Variants in RILPL1 observed in about 807,000 individuals in gnomAD.
RILPL1 encodes the protein Rab interacting lysosomal protein like 1.
In RILPL1, 33 loss-of-function variants were observed where a neutral mutation model predicts 50.3. The observed-to-expected ratio is 0.66, with a 90% CI of 0.50 to 0.88. RILPL1 has a LOEUF of 0.88. Among genes scored for constraint, RILPL1 ranks in the 40% least tolerant of loss-of-function variants. RILPL1 has a pLI of 0.00. For synonymous variants in RILPL1, 205 were observed against 228.6 expected (o/e 0.90, Z 0.93); for missense variants, 418 against 542.5 (o/e 0.77, Z 2.28).
intron 2 of RILPL1, among the ~76,000 whole-genome samples, chr12:123,510,137 C>G (rs915334054): frequency 1.3e-5 from 2 of 152,252 alleles, no homozygotes; most frequent in Non-Finnish European, 2.9e-5. Flanking sequence ...AGCCGGGCCC[C>G]CCGCTTGCAG....
intron 2 of RILPL1, among the ~76,000 whole-genome samples, chr12:123,511,899 CTGTA>C (rs1884286940): frequency 2.1e-5 from 2 of 93,262 alleles, no homozygotes; most frequent in African/African-American, 8.6e-5. Flanking sequence ...GGTGTGAGAT[CTGTA>C]TGTGTGAGGT....
intron 2 of RILPL1, among the ~76,000 whole-genome samples, chr12:123,507,616 G>A (rs530334069): frequency 3.6e-4 from 54 of 150,374 alleles, no homozygotes; most frequent in African/African-American, 1.3e-3. Flanking sequence ...GGAGAAATTA[G>A]AACCTTTATA....
At chr12:123,500,798 G>A (rs1883331733) in intron 2 of RILPL1, among the ~76,000 whole-genome samples, 1 of 152,048 alleles carries the variant, frequency 6.6e-6, no homozygotes. Context: ...GATGAACAGA[G>A]AAAGGTTCTC....
intron 4 of RILPL1, among the ~76,000 whole-genome samples, chr12:123,492,013 A>C (rs1482710748): frequency 6.6e-6 from 1 of 151,882 alleles, no homozygotes; most frequent in Non-Finnish European, 1.5e-5. Context: ...ACTCAAAATA[A>C]ATAAATAAAT....
At chr12:123,510,313 G>T (rs1884009408) in intron 2 of RILPL1, among the ~76,000 whole-genome samples, 1 of 152,194 alleles carries the variant, frequency 6.6e-6, no homozygotes, top group Non-Finnish European at 1.5e-5. Flanking sequence ...TGGGACCCGG[G>T]GACACGGCTA....
intron 1 of RILPL1, among the ~76,000 whole-genome samples, chr12:123,525,700 C>CAAAAAAAAAAAAAA (rs1207503097): frequency 2.2e-5 from 1 of 44,994 alleles, no homozygotes; most frequent in African/African-American, 6.9e-5. Context: ...GACACTGTCT[C>CAAAAAAAAAAAAAA]AAAAAAAAAA....
intron 2 of RILPL1, among the ~76,000 whole-genome samples, chr12:123,507,852 A>G (rs1227991287): frequency 6.7e-6 from 1 of 150,354 alleles, no homozygotes. Context: ...GAGGCAGGAT[A>G]ATCACTTGAA....
Position 123,484,238 on chromosome 12 carries a change from G to A in RILPL1, c.1009C>T (p.Pro337Ser), listed in dbSNP as rs1283135340. 1.9e-6 allele frequency: 3 copies of A among 1,610,004 alleles called. No individual in the cohort carries two copies. Among genetic ancestry groups the A allele is most frequent in the South Asian group, 1.1e-5 (1 of 91,012 alleles). Residue 337 changes from proline (P) to serine (S), a missense_variant, in exon 6 of 7, where the codon CCC (proline) becomes TCC (serine). Physicochemically the swap from Pro to Ser is moderately conservative, Grantham distance 74. Coordinates refer to ENST00000376874, the MANE Select transcript of RILPL1 (RefSeq NM_178314.5). ...GTCCTCGGGTGGGCGATGGGTGGGG[G>A]TTGGGGTATTCGGTTTTCCTCTTCC... ...EMEEENRIPQ[P>S]PPIAHPRTSP...
chr12:123,518,500 CAA>C (rs60479214), intron 2 of RILPL1: 5,962 of 82,384 alleles, frequency 0.072, 120 homozygotes, highest in African/African-American at 0.1. Flanking sequence ...GAGACCTGTC[CAA>C]AAAAAAAAAA....
At chr12:123,475,696 G>A (rs1482603805) in intron 6 of RILPL1, 12 of 1,593,982 alleles carry the variant, frequency 7.5e-6, no homozygotes, top group East Asian at 6.7e-5. Flanking sequence ...GCTGCAGTGT[G>A]GGGTCATCTA....
rs764373990 is a variant in RILPL1 at position 123,498,689 on chromosome 12, C to A, written c.656G>T (p.Gly219Val). The change falls in exon 4 of 7, where the codon GGG (glycine) becomes GTG (valine). Residue 219 changes from glycine (G) to valine (V), a missense_variant. Coordinates refer to ENST00000376874, the MANE Select transcript of RILPL1 (RefSeq NM_178314.5). The surrounding 1 kb of genome is among the most constrained non-coding windows in gnomAD (Gnocchi z 4.3). The stretch of plus-strand genomic sequence containing the variant: ...CACCTTCTGTTCGATCAGGGCTTTC[C>A]CCTGGGCCTCCACCACCGTGACCCG... ...RHRVTVVEAQ[G>V]KALIEQKVEL... 3 of 1,613,702 alleles carry A rather than the reference C, an allele frequency of 1.9e-6. No homozygotes were observed. The highest frequency in any genetic ancestry group is 2.5e-6 in the Non-Finnish European group (3 of 1,179,874).
chr12:123,526,027 C>T (rs1188575011), intron 1 of RILPL1, among the ~76,000 whole-genome samples: 1 of 152,258 alleles, frequency 6.6e-6, no homozygotes. Flanking sequence ...GTTTAAGGGC[C>T]AGGCGCAGTG....
At chr12:123,492,358 C>T (rs989416409) in intron 4 of RILPL1, among the ~76,000 whole-genome samples, 2 of 152,156 alleles carry the variant, frequency 1.3e-5, no homozygotes, top group Non-Finnish European at 2.9e-5. Context: ...TGTAGGATCC[C>T]ACTGATGCCA....
rs537067956 is a variant in RILPL1 at position 123,491,163 on chromosome 12, G to A, written c.802-5358C>T. Among the ~76,000 whole-genome samples the A allele has an allele frequency of 1.8e-4, 27 of 152,324 alleles. No individual in the cohort carries two copies. The highest frequency in any genetic ancestry group is 1.0e-3 in the Admixed American group (16 of 15,296). ...GGCCACGGGCAGCCCAGGACTATCC[G>A]GTTCAGACTGGGAGGGACCAAGGAG... On this transcript the variant is annotated intron_variant, in intron 4 of 6. Transcript: ENST00000376874. The surrounding 1 kb of genome is among the most constrained non-coding windows in gnomAD (Gnocchi z 4.0).
At position 123,485,223 on chromosome 12, in the gene RILPL1, C is replaced by T. The variant is rs1882248787; in HGVS notation, c.974+410G>A. 2.2e-6 allele frequency: 1 copy of T among 458,392 alleles called. No homozygotes were observed. The allele number at this position is 458,392 out of a possible 1,614,324, so 28.4% of individuals were successfully genotyped here. A position where few individuals can be genotyped will look rare whatever the true frequency, so the allele number is the denominator to read the frequency against. On this transcript the variant is annotated intron_variant, in intron 5 of 6. Coordinates refer to ENST00000376874, the MANE Select transcript of RILPL1 (RefSeq NM_178314.5). The surrounding 1 kb of genome is among the most constrained non-coding windows in gnomAD (Gnocchi z 4.0). ...TGTTGCTTGTGGTCTCATGTGGAAACCTACAATAAAGCAAGCATGAGAGTG... is the reference window on the plus strand; with the variant it reads ...TGTTGCTTGTGGTCTCATGTGGAAATCTACAATAAAGCAAGCATGAGAGTG...
Position 123,472,487 on chromosome 12 carries a change from G to A in RILPL1, c.*51C>T. On this transcript the variant is annotated 3_prime_UTR_variant, in exon 7 of 7. Transcript: ENST00000376874. ...ATGACCCCTGGGCTGCAGTTCGGTT[G>A]CAGGCGCTGGTGGCGGGCAGTCCAG... 3.9e-6 allele frequency: 6 copies of A among 1,546,362 alleles called. No individual in the cohort carries two copies. Among genetic ancestry groups the A allele is most frequent in the Non-Finnish European group, 5.2e-6 (6 of 1,144,122 alleles).
At chr12:123,486,060 T>G (rs1312238720) in intron 4 of RILPL1, among the ~76,000 whole-genome samples, 1 of 152,080 alleles carries the variant, frequency 6.6e-6, no homozygotes, top group African/African-American at 2.4e-5. Flanking sequence ...CCCACCCGAC[T>G]TGGGGTTTCA....
chr12:123,470,488 A>T lies in RILPL1; in HGVS notation c.*2050T>A, dbSNP rs2139296037. ...ACCCTGTGTCCAAAAAAAAAAAAAA[A>T]AAAAAGGCCAGCCACAGTGGCTCAC... On this transcript the variant is annotated 3_prime_UTR_variant, in exon 7 of 7. Transcript: ENST00000376874. 2 of 155,840 alleles carry T rather than the reference A, an allele frequency of 1.3e-5. No homozygotes were observed. Among genetic ancestry groups the T allele is most frequent in the Admixed American group, 1.3e-4 (2 of 15,198 alleles). The allele number at this position is 155,840 out of a possible 1,614,324, so 9.7% of individuals were successfully genotyped here. A position where few individuals can be genotyped will look rare whatever the true frequency, so the allele number is the denominator to read the frequency against.
intron 5 of RILPL1, 68 bp from the exon 6 acceptor site, chr12:123,484,340 G>T: frequency 9.6e-7 from 1 of 1,041,766 alleles, no homozygotes; most frequent in Non-Finnish European, 1.5e-6. Flanking sequence ...CATTCCAGAA[G>T]AGAAGTGTCT....
Sources: allele counts gnomAD v4.1 joint callset (sites outside exome capture counted in the v4.1 genomes callset), GRCh38; gene constraint gnomAD v4.1.1; non-coding constraint Gnocchi (gnomAD v3.1); transcripts MANE v1.5; gene names NCBI Gene and HGNC (gene_info 2026-07-23, HGNC 2026-07-21).